Variants in KCNH7 observed in about 807,000 individuals in gnomAD.
The protein encoded by KCNH7 is voltage-gated inwardly rectifying potassium channel KCNH7.
Under a neutral mutation model 120.8 loss-of-function variants are expected in KCNH7, and 49 were observed. The observed-to-expected ratio is 0.41, with a 90% CI of 0.32 to 0.51. The LOEUF (loss-of-function observed/expected upper bound fraction) is 0.51. Among genes scored for constraint, KCNH7 ranks in the 20% least tolerant of loss-of-function variants. The probability of loss-of-function intolerance (pLI) is 0.38; values close to 1 mark genes in which losing one functional copy is unlikely to be tolerated. For synonymous variants in KCNH7, 547 were observed against 516.1 expected (o/e 1.06, Z -0.81); for missense variants, 1,097 against 1,446.6 (o/e 0.76, Z 3.92).
At chr2:162,675,177 A>G (rs1053656899) in intron 2 of KCNH7, among the ~76,000 whole-genome samples, 2 of 151,502 alleles carry the variant, frequency 1.3e-5, no homozygotes, top group African/African-American at 4.8e-5. Flanking sequence ...AACAAAACAA[A>G]CAAATGATAT....
At position 162,458,810 on chromosome 2, in the gene KCNH7, C is replaced by A. The variant is rs573026951; in HGVS notation, c.1129-12367G>T. Among the ~76,000 whole-genome samples the A allele has an allele frequency of 8.2e-4, 125 of 151,946 alleles. 1 individual carries two copies. Among genetic ancestry groups the A allele is most frequent in the Middle Eastern group, 6.8e-3 (2 of 294 alleles). ...TCGGCAGGCAGTTAGAAGGTCTGAGCCTGGGCAACATAGTGAGACTTTGTT... is the reference window on the plus strand; with the variant it reads ...TCGGCAGGCAGTTAGAAGGTCTGAGACTGGGCAACATAGTGAGACTTTGTT... On this transcript the variant is annotated intron_variant, in intron 6 of 15. Transcript: ENST00000332142.
intron 2 of KCNH7, among the ~76,000 whole-genome samples, chr2:162,794,189 G>A (rs1216891809): frequency 6.6e-6 from 1 of 151,350 alleles, no homozygotes; most frequent in Non-Finnish European, 1.5e-5. Context: ...GAACTTGATA[G>A]TAAAGTCAAA....
chr2:162,823,980 G>C (rs1685201835), intron 2 of KCNH7, among the ~76,000 whole-genome samples: 1 of 152,072 alleles, frequency 6.6e-6, no homozygotes, highest in South Asian at 2.1e-4. Flanking sequence ...TTCTGTAGCA[G>C]AGCATTAGCT....
chr2:162,676,770 T>G (rs550946339), intron 2 of KCNH7, among the ~76,000 whole-genome samples: 1 of 151,594 alleles, frequency 6.6e-6, no homozygotes, highest in Non-Finnish European at 1.5e-5. Flanking sequence ...AGTCCCCCAG[T>G]GTAACTTCAC....
At chr2:162,596,251 A>T (rs1694376608) in intron 2 of KCNH7, among the ~76,000 whole-genome samples, 1 of 152,044 alleles carries the variant, frequency 6.6e-6, no homozygotes, top group South Asian at 2.1e-4. Flanking sequence ...AGCCACAGCA[A>T]ATCTAGAGCA....
At chr2:162,461,769 A>C (rs1027790248) in intron 6 of KCNH7, among the ~76,000 whole-genome samples, 1 of 152,172 alleles carries the variant, frequency 6.6e-6, no homozygotes, top group Non-Finnish European at 1.5e-5. Flanking sequence ...CTTTGAAAGG[A>C]CCCCATTTAA....
chr2:162,416,837 G>T (rs1687554625), intron 9 of KCNH7, among the ~76,000 whole-genome samples: 5 of 152,088 alleles, frequency 3.3e-5, no homozygotes, highest in Admixed American at 3.3e-4. Context: ...GGCTCACCTG[G>T]ATAATAGGAC....
chr2:162,434,705 G>GTATATA (rs35935156), intron 8 of KCNH7, among the ~76,000 whole-genome samples: 5 of 147,012 alleles, frequency 3.4e-5, no homozygotes, highest in African/African-American at 1.2e-4. Context: ...TATGTTGCAT[G>GTATATA]TATATATATA....
At chr2:162,494,463 A>C (rs1006256403) in intron 6 of KCNH7, among the ~76,000 whole-genome samples, 1 of 152,086 alleles carries the variant, frequency 6.6e-6, no homozygotes. Flanking sequence ...ATTTTTAGTT[A>C]TTTCCAAAGT....
chr2:162,807,098 T>C (rs1477649135), intron 2 of KCNH7, among the ~76,000 whole-genome samples: 1 of 151,252 alleles, frequency 6.6e-6, no homozygotes, highest in East Asian at 1.9e-4. Context: ...TAGATACTCT[T>C]TTGCAAAAAA....
intron 2 of KCNH7, among the ~76,000 whole-genome samples, chr2:162,645,635 T>G (rs1311837249): frequency 6.6e-6 from 1 of 152,206 alleles, no homozygotes; most frequent in African/African-American, 2.4e-5. Flanking sequence ...TCTAGACTTT[T>G]TTAGGTTATA....
rs1174487773 is a variant in KCNH7, at chr2:162,492,935, T to C, written c.1128+11508A>G. Among the ~76,000 whole-genome samples the C allele has an allele frequency of 1.6e-4, 22 of 137,710 alleles. 1 individual carries two copies. The Admixed American group carries it at 1.7e-3, about 11-fold the overall frequency. 90.3% of individuals were successfully genotyped at this position (137,710 alleles called of 152,430 possible). A position where few individuals can be genotyped will look rare whatever the true frequency, so the allele number is the denominator to read the frequency against. On this transcript the variant is annotated intron_variant, in intron 6 of 15. Coordinates refer to ENST00000332142, the MANE Select transcript of KCNH7 (RefSeq NM_033272.4). ...CAGTCAACTGTATTACTTTTCTCCA[T>C]TTTGTCTTGCCACTCTTAATGCACA...
intron 2 of KCNH7, among the ~76,000 whole-genome samples, chr2:162,755,172 T>C (rs1453327939): frequency 1.3e-5 from 2 of 151,900 alleles, no homozygotes; most frequent in Non-Finnish European, 2.9e-5. Flanking sequence ...ATGTACTTAT[T>C]ACATAAAAAA....
rs1686388795 is a variant in KCNH7 at position 162,698,799 on chromosome 2, G to A, written c.307+137738C>T. 2.0e-5 allele frequency among the ~76,000 whole-genome samples: 3 copies of A among 151,864 alleles called. No individual in the cohort carries two copies. In the South Asian group the frequency reaches 6.2e-4, roughly 32 times the overall value. The stretch of plus-strand genomic sequence containing the variant: ...TGAGAAAATGCACTTAAAATATTTA[G>A]TGCATTTAAAATACCCCCTATGTTA... On this transcript the variant is annotated intron_variant, in intron 2 of 15. Coordinates refer to ENST00000332142, the MANE Select transcript of KCNH7 (RefSeq NM_033272.4).
intron 2 of KCNH7, among the ~76,000 whole-genome samples, chr2:162,565,682 C>T (rs2105888397): frequency 6.6e-6 from 1 of 152,150 alleles, no homozygotes; most frequent in South Asian, 2.1e-4. Flanking sequence ...CTGATGTCAG[C>T]TCTTGGTCTC....
intron 3 of KCNH7, among the ~76,000 whole-genome samples, chr2:162,519,027 G>T (rs1021937733): frequency 1.3e-5 from 2 of 151,570 alleles, no homozygotes; most frequent in African/African-American, 4.8e-5. Flanking sequence ...TAATACAAGA[G>T]GATATAATTT....
intron 2 of KCNH7, among the ~76,000 whole-genome samples, chr2:162,752,029 C>T (rs902679810): frequency 1.3e-5 from 2 of 152,004 alleles, no homozygotes; most frequent in African/African-American, 4.8e-5. Context: ...CACTATGTAG[C>T]TTGCATTTTT....
intron 9 of KCNH7, among the ~76,000 whole-genome samples, chr2:162,420,849 T>C (rs1687680724): frequency 6.6e-6 from 1 of 152,176 alleles, no homozygotes; most frequent in Non-Finnish European, 1.5e-5. Flanking sequence ...ATACATAAAT[T>C]TGAATGATTT....
chr2:162,492,865 G>GTTTATTTTTTT (rs1690359109), intron 6 of KCNH7, among the ~76,000 whole-genome samples: 1 of 57,180 alleles, frequency 1.7e-5, no homozygotes, highest in Non-Finnish European at 3.6e-5. Context: ...CTTGGATCTT[G>GTTTATTTTTTT]TTTTTTTTTT....
Sources: allele counts gnomAD v4.1 joint callset (sites outside exome capture counted in the v4.1 genomes callset), GRCh38; gene constraint gnomAD v4.1.1; transcripts MANE v1.5; gene names NCBI Gene and HGNC (gene_info 2026-07-23, HGNC 2026-07-21).